Variants in GUF1 observed in about 807,000 individuals in gnomAD.
GUF1 encodes the protein GTP binding elongation factor GUF1.
A neutral mutation model predicts 82.4 loss-of-function variants in GUF1; 78 were observed. The ratio of observed to expected loss-of-function variants is 0.95; its 90% CI spans 0.79 to 1.14. The LOEUF is 1.14. GUF1 is among the 50% of genes most tolerant of loss of function. The pLI is 0.00. For synonymous variants in GUF1, 279 were observed against 282.3 expected, an observed-to-expected ratio of 0.99 and a Z score of 0.12; for missense variants, 814 against 798.2, an observed-to-expected ratio of 1.02 and a Z score of -0.24.
intron 4 of GUF1, 74 bp downstream of exon 4, chr4:44,681,277 G>T (rs1714759801): frequency 9.1e-7 from 1 of 1,103,964 alleles, no homozygotes; most frequent in African/African-American, 1.6e-5. Context: ...TCTTTAAAAT[G>T]TGTTTTGGAA....
chr4:44,693,904 C>G, intron 13 of GUF1: 1 of 162,114 alleles, frequency 6.2e-6, no homozygotes, highest in South Asian at 1.8e-4. Context: ...TTAATCCTCA[C>G]AAAAGCCCTG....
At chr4:44,689,438 G>A in intron 10 of GUF1, 29 bp downstream of exon 10, 2 of 1,574,604 alleles carry the variant, frequency 1.3e-6, no homozygotes, top group Non-Finnish European at 1.7e-6. Flanking sequence ...TGTTTTATAG[G>A]AAAGGGAGGT....
chr4:44,682,363 C>CT lies in GUF1; in HGVS notation c.540dup (p.Leu181SerfsTer15). ...TTCAAGCCCAAACTGTAGCAAACTT[C>CT]TTTCTTGCCTTCGAAGCACAGCTAT... On this transcript the variant is annotated frameshift_variant, in exon 5 of 17. Coordinates refer to ENST00000281543, the MANE Select transcript of GUF1 (RefSeq NM_021927.3). LOFTEE classifies it high-confidence loss of function. 6.5e-7 allele frequency: 1 copy of CT among 1,543,598 alleles called. No individual in the cohort carries two copies. The highest frequency in any genetic ancestry group is 8.7e-7 in the Non-Finnish European group (1 of 1,146,336).
At chr4:44,694,996 G>C (rs889658353) in intron 14 of GUF1, among the ~76,000 whole-genome samples, 1 of 152,016 alleles carries the variant, frequency 6.6e-6, no homozygotes, top group African/African-American at 2.4e-5. Context: ...TAGTAGAGAT[G>C]GGGTTTCACC....
chr4:44,690,624 A>T, intron 11 of GUF1, 93 bp from the exon 12 acceptor site: 1 of 645,110 alleles, frequency 1.6e-6, no homozygotes. Context: ...TTAAATGATT[A>T]CAGCTGGAGG....
intron 13 of GUF1, among the ~76,000 whole-genome samples, chr4:44,693,648 A>T (rs1374796191): frequency 1.3e-5 from 2 of 152,268 alleles, no homozygotes; most frequent in Admixed American, 1.3e-4. Context: ...TAAAATTAAG[A>T]CAATAGGAGT....
In GUF1 at chr4:44,681,204, G is replaced by A; in HGVS notation, c.507+1G>A. The A allele has an allele frequency of 6.2e-7, 1 of 1,604,664 alleles. No homozygotes were observed. Among genetic ancestry groups the A allele is most frequent in the Non-Finnish European group, 8.5e-7 (1 of 1,171,836 alleles). On this transcript the variant is annotated splice_donor_variant, in intron 4 of 16. Coordinates refer to ENST00000281543, the MANE Select transcript of GUF1 (RefSeq NM_021927.3). LOFTEE classifies it high-confidence loss of function. ...TTTACTTGTGGTTGATGCAAATGAGGTAGGTATTTTTCATTTTGTATGATG... is the reference window on the plus strand; with the variant it reads ...TTTACTTGTGGTTGATGCAAATGAGATAGGTATTTTTCATTTTGTATGATG...
chr4:44,684,127 CAAA>C (rs1174614223), intron 6 of GUF1, among the ~76,000 whole-genome samples: 4 of 151,854 alleles, frequency 2.6e-5, no homozygotes, highest in African/African-American at 4.8e-5. Flanking sequence ...AATAAGTAAA[CAAA>C]GAAGTAAGCA....
In GUF1 at chr4:44,688,086, C is replaced by G. The variant is rs764228623; in HGVS notation, c.1018C>G (p.His340Asp). 6.2e-7 allele frequency: 1 copy of G among 1,612,220 alleles called. No homozygotes were observed. Among genetic ancestry groups the G allele is most frequent in the East Asian group, 2.2e-5 (1 of 44,840 alleles). The stretch of plus-strand genomic sequence containing the variant: ...GCAAATAGGAGATACATTATGTTTA[C>G]ATAAGCAACCAGTGGAGCCCTTGCC... Reference protein sequence around the residue: ...EAQIGDTLCLHKQPVEPLPGF... With the variant: ...EAQIGDTLCLDKQPVEPLPGF... Residue 340 changes from histidine to aspartate, a missense_variant, in exon 9 of 17, where the codon CAT becomes GAT. Physicochemically the swap from His to Asp is moderately conservative, Grantham distance 81. Coordinates refer to ENST00000281543, the MANE Select transcript of GUF1 (RefSeq NM_021927.3).
chr4:44,692,545 T>C (rs1715516707), intron 13 of GUF1, among the ~76,000 whole-genome samples: 2 of 151,890 alleles, frequency 1.3e-5, no homozygotes, highest in African/African-American at 2.4e-5. Flanking sequence ...AACATTGACA[T>C]CTATAAAACT....
rs751128398 is a variant in GUF1, at chr4:44,686,556, T to G, written c.781T>G (p.Ser261Ala). 6.2e-7 allele frequency: 1 copy of G among 1,612,304 alleles called. No individual in the cohort carries two copies. Among genetic ancestry groups the G allele is most frequent in the Non-Finnish European group, 8.5e-7 (1 of 1,178,780 alleles). The change falls in exon 8 of 17, where the codon TCC becomes GCC. Residue 261 changes from serine to alanine, a missense_variant. Physicochemically the swap from Ser to Ala is moderately conservative, Grantham distance 99. Coordinates refer to ENST00000281543, the MANE Select transcript of GUF1 (RefSeq NM_021927.3). ...TCCTCTGAGAGCTTTGGTATTTGAC[T>G]CCACCTTTGACCAGTATAGAGGTGT... Reference protein sequence around the residue: ...KNPLRALVFDSTFDQYRGVIA... With the variant: ...KNPLRALVFDATFDQYRGVIA...
intron 6 of GUF1, among the ~76,000 whole-genome samples, chr4:44,685,566 T>C (rs959594305): frequency 5.9e-5 from 9 of 152,094 alleles, no homozygotes; most frequent in African/African-American, 2.2e-4. Flanking sequence ...ATACATTGTT[T>C]ATCCACACAA....
intron 4 of GUF1, among the ~76,000 whole-genome samples, chr4:44,681,457 A>C (rs1195922069): frequency 6.6e-6 from 1 of 152,058 alleles, no homozygotes; most frequent in Admixed American, 6.5e-5. Context: ...GTGTGACATC[A>C]TATTGTCAAT....
In GUF1 at chr4:44,698,613, A is replaced by T. The variant is rs1436782037; in HGVS notation, c.1942A>T (p.Lys648Ter). 4 of 1,611,118 alleles carry T rather than the reference A, an allele frequency of 2.5e-6. No individual in the cohort carries two copies. Among genetic ancestry groups the T allele is most frequent in the Non-Finnish European group, 3.4e-6 (4 of 1,179,078 alleles). The change falls in exon 17 of 17, where the codon AAA becomes TAA. Residue 648 changes from lysine to a stop codon, truncating the protein, a stop_gained. Coordinates refer to ENST00000281543, the MANE Select transcript of GUF1 (RefSeq NM_021927.3). LOFTEE classifies it high-confidence loss of function. The stretch of plus-strand genomic sequence containing the variant: ...AGCAGAAGGGAAAAAAAAGCTGAGG[A>T]AAATTGGCAACGTTGAAGTTCCAAA... ...RQAEGKKKLR[K>*]IGNVEVPKDA...
At chr4:44,687,528 T>G (rs1374729235) in intron 8 of GUF1, among the ~76,000 whole-genome samples, 1 of 151,928 alleles carries the variant, frequency 6.6e-6, no homozygotes, top group Non-Finnish European at 1.5e-5. Context: ...TAACTAAGCT[T>G]AAACTGAACT....
At chr4:44,682,282 G>T in intron 4 of GUF1, 52 bp from the exon 5 acceptor site, 1 of 948,524 alleles carries the variant, frequency 1.1e-6, no homozygotes, top group African/African-American at 1.7e-5. Context: ...TACAAGTTTT[G>T]TGATATATAA....
chr4:44,678,425 T>C lies in GUF1; in HGVS notation c.-198T>C. ...CACGACAGCGTGCGGCGTGCAGACG[T>C]CGGCAAGCTGCGCCGCCGCTTCGGG... On this transcript the variant is annotated 5_prime_UTR_variant, in exon 1 of 17. Transcript: ENST00000281543. The C allele has an allele frequency of 4.1e-6, 2 of 482,802 alleles. No individual in the cohort carries two copies. The highest frequency in any genetic ancestry group is 3.5e-5 in the East Asian group (1 of 28,198). The allele number at this position is 482,802 out of a possible 1,614,324, so 29.9% of individuals were successfully genotyped here.
intron 11 of GUF1, 108 bp downstream of exon 11, chr4:44,690,083 C>CAA (rs947939603): frequency 1.5e-6 from 1 of 677,766 alleles, no homozygotes; most frequent in African/African-American, 1.9e-5. Flanking sequence ...ATACCAATAG[C>CAA]TGATTAAGTA....
At chr4:44,688,503 C>G (rs1715211950) in intron 9 of GUF1, among the ~76,000 whole-genome samples, 1 of 151,812 alleles carries the variant, frequency 6.6e-6, no homozygotes, top group Admixed American at 6.6e-5. Flanking sequence ...TGACTGAGTG[C>G]CTTCATCTTC....
Sources: gnomAD v4.1 joint callset for allele counts (sites outside exome capture counted in the v4.1 genomes callset) on GRCh38, gnomAD v4.1.1 for gene constraint, MANE v1.5 for transcripts, NCBI Gene and HGNC (gene_info 2026-07-23, HGNC 2026-07-21) for gene names.